ARHGEF10L: variants seen among roughly 807,000 people sequenced by gnomAD.
ARHGEF10L encodes rho guanine nucleotide exchange factor 10-like protein.
ARHGEF10L carries 69 observed loss-of-function variants against 141.2 expected under a neutral mutation model. That is an observed-to-expected ratio of 0.49 (90% CI 0.40 to 0.60). The LOEUF is 0.60. Ranked by LOEUF, ARHGEF10L falls within the 20% of genes least tolerant of loss-of-function variation. The pLI is 0.00. For missense variants in ARHGEF10L, 1,482 were observed against 1,734.3 expected (o/e 0.85, Z 2.58); for synonymous variants, 711 against 718.5 (o/e 0.99, Z 0.17).
chr1:17,556,926 G>A (rs1273900815), intron 1 of ARHGEF10L, among the ~76,000 whole-genome samples: 2 of 152,018 alleles, frequency 1.3e-5, no homozygotes, highest in Admixed American at 6.6e-5. Context: ...GGAGGCTAAC[G>A]CAGGAGGATC....
At chr1:17,557,171 T>G (rs1455706175) in intron 1 of ARHGEF10L, among the ~76,000 whole-genome samples, 1 of 151,662 alleles carries the variant, frequency 6.6e-6, no homozygotes, top group Admixed American at 6.6e-5. Flanking sequence ...GGTGAAACCT[T>G]GTCTCTACTA....
the ARHGEF10L span, among the ~76,000 whole-genome samples, chr1:17,529,688 AGGAG>A: frequency 6.6e-6 from 1 of 152,268 alleles, no homozygotes; most frequent in African/African-American, 2.4e-5. Flanking sequence ...GGGAGCTCAG[AGGAG>A]GTGGGTGGCA....
chr1:17,633,075 T>C (rs2060794507), intron 16 of ARHGEF10L, among the ~76,000 whole-genome samples: 1 of 152,198 alleles, frequency 6.6e-6, no homozygotes, highest in Non-Finnish European at 1.5e-5. Flanking sequence ...ATCTTATGTT[T>C]TACTAACACA....
the ARHGEF10L span, among the ~76,000 whole-genome samples, chr1:17,526,304 C>T: frequency 6.6e-6 from 1 of 152,186 alleles, no homozygotes; most frequent in African/African-American, 2.4e-5. Context: ...AAAACCTGCC[C>T]CTAGTCTGTG....
chr1:17,546,646 C>A (rs1157722766), intron 1 of ARHGEF10L, among the ~76,000 whole-genome samples: 1 of 152,144 alleles, frequency 6.6e-6, no homozygotes, highest in Non-Finnish European at 1.5e-5. Flanking sequence ...AGATTCATCA[C>A]ATGCCTGGAA....
At chr1:17,588,848 C>CTG in intron 4 of ARHGEF10L, among the ~76,000 whole-genome samples, 1 of 56,844 alleles carries the variant, frequency 1.8e-5, no homozygotes, top group Non-Finnish European at 3.1e-5. Flanking sequence ...GGAGGGTCCC[C>CTG]AGTGTGTGTG....
intron 21 of ARHGEF10L, 130 bp from the exon 22 acceptor site, chr1:17,648,414 CAGGAGTAGGG>C: frequency 9.4e-7 from 1 of 1,064,566 alleles, no homozygotes; most frequent in Non-Finnish European, 1.3e-6. Flanking sequence ...CTCAGTCCGG[CAGGAGTAGGG>C]TGGGGAGTGA....
rs2080914876 is a variant in ARHGEF10L, at chr1:17,603,753, TGG to T, written c.433+163_433+164del. On this transcript the variant is annotated intron_variant, in intron 6 of 28. Transcript: ENST00000361221. This position sits in a 1 kb window ranked among gnomAD's most constrained non-coding sequence, Gnocchi z 4.8. ...GTAGTCATCGGGGAGAATCTGGAGA[TGG>T]CTGAGGGCGTGGCCACCGGGGCCGG... Among the ~76,000 whole-genome samples, 1 of 152,168 alleles carries T rather than the reference TGG, an allele frequency of 6.6e-6. No homozygotes were observed. The highest frequency in any genetic ancestry group is 2.1e-4 in the South Asian group (1 of 4,828).
chr1:17,620,306 A>C (rs1327058983), intron 10 of ARHGEF10L, among the ~76,000 whole-genome samples: 1 of 151,798 alleles, frequency 6.6e-6, no homozygotes, highest in Non-Finnish European at 1.5e-5. Flanking sequence ...TCCCTTCGCT[A>C]TCTGTGTTTT....
At chr1:17,609,921 A>G (rs893659285) in intron 7 of ARHGEF10L, among the ~76,000 whole-genome samples, 3 of 152,110 alleles carry the variant, frequency 2.0e-5, no homozygotes, top group African/African-American at 7.2e-5. Flanking sequence ...GCCTCTCCAT[A>G]TGGCAGGACC....
the ARHGEF10L span, among the ~76,000 whole-genome samples, chr1:17,513,731 C>A: frequency 4.6e-5 from 7 of 152,116 alleles, no homozygotes; most frequent in African/African-American, 1.7e-4. Context: ...GGAGGGCTGA[C>A]CTTGGGCAGA....
chr1:17,583,480 C>T (rs2078763768), intron 2 of ARHGEF10L, among the ~76,000 whole-genome samples: 1 of 152,168 alleles, frequency 6.6e-6, no homozygotes, highest in African/African-American at 2.4e-5. Flanking sequence ...CACCCTGCAC[C>T]AGGTGCTTTA....
intron 26 of ARHGEF10L, among the ~76,000 whole-genome samples, chr1:17,686,081 T>C (rs2064555260): frequency 7.1e-6 from 1 of 140,190 alleles, no homozygotes; most frequent in Admixed American, 7.8e-5. Flanking sequence ...TTGTTTTTTT[T>C]CTTTCTTTCT....
intron 6 of ARHGEF10L, among the ~76,000 whole-genome samples, chr1:17,606,686 C>T (rs2081210021): frequency 6.6e-6 from 1 of 151,760 alleles, no homozygotes; most frequent in Non-Finnish European, 1.5e-5. Context: ...GCATTTTCAT[C>T]TTCATGTACT....
upstream of ARHGEF10L, among the ~76,000 whole-genome samples, chr1:17,535,462 C>A (rs957170086): frequency 2.6e-5 from 4 of 152,196 alleles, no homozygotes; most frequent in Non-Finnish European, 5.9e-5. Context: ...CTGGTGGGAG[C>A]GGGGCCAGAC....
chr1:17,665,986 C>A (rs1571382923), intron 26 of ARHGEF10L, among the ~76,000 whole-genome samples: 1 of 152,168 alleles, frequency 6.6e-6, no homozygotes, highest in East Asian at 1.9e-4. Context: ...GCTGATGCTT[C>A]AGTGTGATTC....
intron 26 of ARHGEF10L, among the ~76,000 whole-genome samples, chr1:17,672,380 G>T (rs1343946140): frequency 6.6e-6 from 1 of 152,132 alleles, no homozygotes; most frequent in Non-Finnish European, 1.5e-5. Flanking sequence ...TTGCAAAAGA[G>T]AAATTCAGGC....
At chr1:17,520,196 C>T in the ARHGEF10L span, among the ~76,000 whole-genome samples, 1 of 152,212 alleles carries the variant, frequency 6.6e-6, no homozygotes, top group African/African-American at 2.4e-5. Context: ...TGGCTTGACT[C>T]AGTCTAGCTT....
chr1:17,692,518 C>G (rs1360503757), intron 27 of ARHGEF10L, among the ~76,000 whole-genome samples: 1 of 152,164 alleles, frequency 6.6e-6, no homozygotes, highest in Non-Finnish European at 1.5e-5. Flanking sequence ...GGGTTCCTTC[C>G]TCTGCTCCAC....
Sources: allele counts gnomAD v4.1 joint callset (sites outside exome capture counted in the v4.1 genomes callset), GRCh38; gene constraint gnomAD v4.1.1; non-coding constraint Gnocchi (gnomAD v3.1); transcripts MANE v1.5; gene names NCBI Gene and HGNC (gene_info 2026-07-23, HGNC 2026-07-21).